Variants in DNAI1 observed in about 807,000 individuals in gnomAD.
DNAI1 encodes dynein, axonemal, intermediate polypeptide 1.
DNAI1 carries 67 observed loss-of-function variants against 92.0 expected under a neutral mutation model. The observed-to-expected ratio is 0.73, with a 90% CI of 0.60 to 0.89. The LOEUF is 0.89. Among genes scored for constraint, DNAI1 ranks in the 40% least tolerant of loss-of-function variants. DNAI1 has a pLI of 0.00. For missense variants in DNAI1, 839 were observed against 866.6 expected (o/e 0.97, Z 0.40); for synonymous variants, 323 against 319.6 (o/e 1.01, Z -0.11).
chr9:34,464,842 G>C (rs1349524118), intron 1 of DNAI1, among the ~76,000 whole-genome samples: 1 of 152,056 alleles, frequency 6.6e-6, no homozygotes, highest in East Asian at 1.9e-4. Context: ...TGTGGTAGGG[G>C]GTCTTCATTC....
At chr9:34,504,016 A>T (rs927704407) in intron 12 of DNAI1, among the ~76,000 whole-genome samples, 1 of 152,178 alleles carries the variant, frequency 6.6e-6, no homozygotes, top group Non-Finnish European at 1.5e-5. Context: ...GGGACTTCTC[A>T]TGGTCTTCCA....
chr9:34,490,355 G>C lies in DNAI1; in HGVS notation c.502-14G>C. The C allele has an allele frequency of 6.2e-7, 1 of 1,614,156 alleles. No individual in the cohort carries two copies. The highest frequency in any genetic ancestry group is 8.5e-7 in the Non-Finnish European group (1 of 1,180,042). ...TCACAGCTGATTCCTGATCCTCTGG[G>C]TCTTTATTTTCAGGCAGCTGAAAAA... On this transcript the variant is annotated splice_polypyrimidine_tract_variant and intron_variant, in intron 6 of 19. Transcript: ENST00000242317.
chr9:34,520,491 G>T (rs1020607021), intron 19 of DNAI1, among the ~76,000 whole-genome samples, 167 bp from the exon 20 acceptor site: 5 of 152,152 alleles, frequency 3.3e-5, no homozygotes, highest in Admixed American at 2.0e-4. Context: ...CACCTAACCC[G>T]AGTTGGGGAA....
At chr9:34,502,358 A>G (rs1824848009) in intron 12 of DNAI1, among the ~76,000 whole-genome samples, 1 of 152,132 alleles carries the variant, frequency 6.6e-6, no homozygotes, top group Admixed American at 6.5e-5. Flanking sequence ...CCTCTGCTGC[A>G]GCTACTGGGC....
intron 5 of DNAI1, 58 bp downstream of exon 5, chr9:34,489,507 C>T: frequency 6.3e-7 from 1 of 1,598,850 alleles, no homozygotes; most frequent in Non-Finnish European, 8.6e-7. Flanking sequence ...TTATTCTGGT[C>T]ACTCTAGGGA....
At chr9:34,501,875 A>G (rs925847622) in intron 12 of DNAI1, among the ~76,000 whole-genome samples, 4 of 152,194 alleles carry the variant, frequency 2.6e-5, no homozygotes, top group African/African-American at 7.2e-5. Context: ...AGGCAGCACA[A>G]TGGAAACTGT....
Position 34,493,176 on chromosome 9 carries a change from T to G in DNAI1, c.682-18T>G. On this transcript the variant is annotated intron_variant, in intron 8 of 19. Coordinates refer to ENST00000242317, the MANE Select transcript of DNAI1 (RefSeq NM_012144.4). The stretch of plus-strand genomic sequence containing the variant: ...GATTGCACCTTACAATGATCCTTCT[T>G]ATCTCACCCTTGCCTAGTGGGAGAT... The G allele has an allele frequency of 6.2e-7, 1 of 1,614,206 alleles. No individual in the cohort carries two copies. Among genetic ancestry groups the G allele is most frequent in the Non-Finnish European group, 8.5e-7 (1 of 1,180,030 alleles).
chr9:34,506,543 C>A, intron 12 of DNAI1, 84 bp from the exon 13 acceptor site: 1 of 1,595,562 alleles, frequency 6.3e-7, no homozygotes, highest in South Asian at 1.1e-5. Context: ...AGGGCTTGCC[C>A]ACCTAGTGGG....
intron 8 of DNAI1, among the ~76,000 whole-genome samples, chr9:34,492,371 T>C (rs543416683): frequency 7.7e-4 from 117 of 151,536 alleles, no homozygotes; most frequent in Admixed American, 1.7e-3. Flanking sequence ...CAGATCCATT[T>C]AGCAAATGTT....
intron 19 of DNAI1, among the ~76,000 whole-genome samples, chr9:34,518,097 C>T (rs370285481): frequency 1.3e-5 from 2 of 152,220 alleles, no homozygotes; most frequent in Non-Finnish European, 2.9e-5. Context: ...ACTTATGAAC[C>T]CAGGCTTTGC....
intron 1 of DNAI1, among the ~76,000 whole-genome samples, chr9:34,465,658 C>T (rs778513848): frequency 8.8e-4 from 134 of 152,228 alleles, no homozygotes; most frequent in South Asian, 1.2e-3. Context: ...ATTGTTAGCA[C>T]TCAGTACATG....
chr9:34,492,597 G>A (rs1824632348), intron 8 of DNAI1, among the ~76,000 whole-genome samples: 1 of 146,320 alleles, frequency 6.8e-6, no homozygotes, highest in African/African-American at 2.5e-5. Context: ...TTGGCTCACT[G>A]CAACTTCTGC....
At chr9:34,495,969 G>T (rs1824714653) in intron 9 of DNAI1, among the ~76,000 whole-genome samples, 1 of 152,110 alleles carries the variant, frequency 6.6e-6, no homozygotes, top group African/African-American at 2.4e-5. Flanking sequence ...GTGGCAAAAG[G>T]TCCTCAAAGG....
chr9:34,480,156 G>A (rs1824322110), intron 1 of DNAI1, among the ~76,000 whole-genome samples: 1 of 151,946 alleles, frequency 6.6e-6, no homozygotes, highest in African/African-American at 2.4e-5. Flanking sequence ...CACTAGGCCT[G>A]CTCCTTCCAG....
At chr9:34,512,564 C>T (rs2132081914) in intron 15 of DNAI1, 140 bp downstream of exon 15, 1 of 819,376 alleles carries the variant, frequency 1.2e-6, no homozygotes, top group Non-Finnish European at 2.0e-6. Context: ...GTAGGAAGGC[C>T]CGGCCCTGTC....
At chr9:34,460,988 C>T (rs1823941990) in intron 1 of DNAI1, among the ~76,000 whole-genome samples, 1 of 152,166 alleles carries the variant, frequency 6.6e-6, no homozygotes, top group South Asian at 2.1e-4. Flanking sequence ...CTATAGGCGC[C>T]TGCCACCACG....
In DNAI1 at chr9:34,520,652, C is replaced by T. The variant is rs1174622504; in HGVS notation, c.2002-6C>T. On this transcript the variant is annotated splice_region_variant and splice_polypyrimidine_tract_variant and intron_variant, in intron 19 of 19. Coordinates refer to ENST00000242317, the MANE Select transcript of DNAI1 (RefSeq NM_012144.4). ...CCTCCCTCATGTATACTTTCCCTCT[C>T]CCCAGGAAAAGAAGGGGCAGGAGGT... is the stretch of plus-strand genomic sequence containing the variant. 4 of 1,551,396 alleles carry T rather than the reference C, an allele frequency of 2.6e-6. No homozygotes were observed. The East Asian group carries it at 7.3e-5, about 28-fold the overall frequency.
chr9:34,497,252 C>A, intron 10 of DNAI1, 53 bp downstream of exon 10: 1 of 1,470,174 alleles, frequency 6.8e-7, no homozygotes, highest in Non-Finnish European at 9.5e-7. Context: ...AAAAATTTCT[C>A]ATAAAAGCTT....
At chr9:34,474,799 C>T (rs1224316086) in intron 1 of DNAI1, among the ~76,000 whole-genome samples, 1 of 151,840 alleles carries the variant, frequency 6.6e-6, no homozygotes, top group Non-Finnish European at 1.5e-5. Flanking sequence ...GAACTTCTGA[C>T]CTTGTGATCT....
Sources: allele counts gnomAD v4.1 joint callset (sites outside exome capture counted in the v4.1 genomes callset), GRCh38; gene constraint gnomAD v4.1.1; transcripts MANE v1.5; gene names NCBI Gene and HGNC (gene_info 2026-07-23, HGNC 2026-07-21).